Variants in NOL4 observed in about 807,000 individuals in gnomAD.
NOL4 encodes the protein cancer/testis antigen 125.
In NOL4, 17 loss-of-function variants were observed where a neutral mutation model predicts 75.9. The observed-to-expected ratio is 0.22, with a 90% CI of 0.15 to 0.34. The LOEUF (loss-of-function observed/expected upper bound fraction) is 0.34, where lower values mean the gene tolerates loss of function less well. NOL4 is among the 10% of genes least tolerant of loss of function. NOL4 has a pLI of 1.00. For synonymous variants in NOL4, 292 were observed against 289.9 expected (o/e 1.01, Z -0.07); for missense variants, 614 against 793.5 (o/e 0.77, Z 2.72).
At chr18:34,027,533 G>T (rs1235359274) in intron 5 of NOL4, among the ~76,000 whole-genome samples, 1 of 152,158 alleles carries the variant, frequency 6.6e-6, no homozygotes, top group East Asian at 1.9e-4. Flanking sequence ...TATGCTTTGT[G>T]TATAGTAGAT....
chr18:33,927,202 T>C (rs2067389537), intron 9 of NOL4, among the ~76,000 whole-genome samples: 1 of 152,190 alleles, frequency 6.6e-6, no homozygotes, highest in Non-Finnish European at 1.5e-5. Context: ...AATAAGCACC[T>C]GGAATGTAAC....
intron 10 of NOL4, among the ~76,000 whole-genome samples, chr18:33,857,249 T>C (rs954784368): frequency 2.0e-5 from 3 of 152,038 alleles, no homozygotes; most frequent in African/African-American, 7.2e-5. Flanking sequence ...ATCAATGTAC[T>C]AAAATATTGC....
chr18:34,024,455 A>G (rs1457652537), intron 5 of NOL4, among the ~76,000 whole-genome samples: 1 of 151,898 alleles, frequency 6.6e-6, no homozygotes, highest in Admixed American at 6.6e-5. Context: ...TATCCAAAAA[A>G]GAAAAAAAAT....
chr18:34,222,079 G>C (rs1171077419), intron 1 of NOL4: 1 of 1,535,132 alleles, frequency 6.5e-7, no homozygotes, highest in Non-Finnish European at 8.7e-7. Flanking sequence ...GTAGCCCACA[G>C]TTCCCATCTT....
chr18:34,052,357 A>C (rs1221784053), intron 5 of NOL4, among the ~76,000 whole-genome samples: 1 of 152,102 alleles, frequency 6.6e-6, no homozygotes, highest in African/African-American at 2.4e-5. Context: ...ATAAAAAACA[A>C]CTAAAGAAGG....
chr18:33,996,729 G>T (rs984654876), intron 6 of NOL4, among the ~76,000 whole-genome samples: 2 of 151,928 alleles, frequency 1.3e-5, no homozygotes, highest in African/African-American at 4.8e-5. Flanking sequence ...TTGCTAGAAA[G>T]AAAATGATTT....
intron 7 of NOL4, 99 bp downstream of exon 7, chr18:33,958,140 A>AG: frequency 4.4e-6 from 5 of 1,143,174 alleles, no homozygotes; most frequent in Non-Finnish European, 6.2e-6. Context: ...CTGTAAATTA[A>AG]ACAAACATGT....
intron 9 of NOL4, among the ~76,000 whole-genome samples, chr18:33,903,923 G>C (rs1038302987): frequency 6.6e-6 from 1 of 152,138 alleles, no homozygotes; most frequent in East Asian, 1.9e-4. Flanking sequence ...TTGCAGAAGA[G>C]ATGGGCACAT....
chr18:34,119,793 T>G (rs2080046817), intron 2 of NOL4, among the ~76,000 whole-genome samples: 1 of 152,012 alleles, frequency 6.6e-6, no homozygotes, highest in South Asian at 2.1e-4. Context: ...GGCTAATTTT[T>G]TTGTACTTTT....
intron 1 of NOL4, among the ~76,000 whole-genome samples, chr18:34,149,627 TA>T (rs2081559995): frequency 6.6e-6 from 1 of 151,656 alleles, no homozygotes; most frequent in South Asian, 2.1e-4. Flanking sequence ...CCTATGTTTT[TA>T]TTGATGAATA....
At position 34,016,373 on chromosome 18, in the gene NOL4, CAAGCTGACCACAGGCTTTCTAAAATTCT is replaced by C. The variant is rs567412500; in HGVS notation, c.1056+2917_1056+2944del. On this transcript the variant is annotated intron_variant, in intron 6 of 10. Transcript: ENST00000261592. ...TGCCAGAATAATTTTTATAAAATTC[CAAGCTGACCACAGGCTTTCTAAAATTCT>C]AAGCTGACCACTAAGCTCTTTCTAT... 1.2e-3 allele frequency among the ~76,000 whole-genome samples: 184 copies of C among 152,082 alleles called. 1 individual carries two copies. The South Asian group carries it at 0.014, about 11-fold the overall frequency.
At chr18:33,903,028 T>C (rs764362435) in intron 9 of NOL4, among the ~76,000 whole-genome samples, 2 of 152,194 alleles carry the variant, frequency 1.3e-5, no homozygotes, top group Non-Finnish European at 2.9e-5. Flanking sequence ...ATTTTAAAAC[T>C]AAGTCTCAGA....
intron 6 of NOL4, among the ~76,000 whole-genome samples, chr18:33,960,765 C>T (rs2070048281): frequency 6.6e-6 from 1 of 152,122 alleles, no homozygotes; most frequent in Admixed American, 6.6e-5. Context: ...CTGAGTTTAT[C>T]ATCTTAACAC....
At chr18:34,031,983 C>T (rs946232288) in intron 5 of NOL4, among the ~76,000 whole-genome samples, 7 of 152,182 alleles carry the variant, frequency 4.6e-5, no homozygotes, top group South Asian at 2.1e-4. Flanking sequence ...CTGCCATTTT[C>T]GAGTGCCAGT....
chr18:33,947,702 G>A (rs976329151), intron 8 of NOL4, among the ~76,000 whole-genome samples: 3 of 151,730 alleles, frequency 2.0e-5, no homozygotes, highest in Non-Finnish European at 1.5e-5. Flanking sequence ...TAAGATAATG[G>A]TACCTACCCT....
chr18:33,896,684 C>T (rs2065430725), intron 9 of NOL4, among the ~76,000 whole-genome samples: 1 of 152,062 alleles, frequency 6.6e-6, no homozygotes, highest in Non-Finnish European at 1.5e-5. Flanking sequence ...ACAACTTAGG[C>T]AATATAATCC....
chr18:34,026,239 A>G (rs1472873354), intron 5 of NOL4, among the ~76,000 whole-genome samples: 4 of 152,100 alleles, frequency 2.6e-5, no homozygotes, highest in Non-Finnish European at 5.9e-5. Flanking sequence ...AGAGATGGAT[A>G]ATTGGACAAA....
At chr18:34,024,215 A>AT (rs1491509605) in intron 5 of NOL4, among the ~76,000 whole-genome samples, 5 of 127,556 alleles carry the variant, frequency 3.9e-5, no homozygotes, top group Admixed American at 1.6e-4. Flanking sequence ...ATATATATAT[A>AT]AAATCCTCAT....
intron 8 of NOL4, among the ~76,000 whole-genome samples, chr18:33,951,448 G>C (rs1345845843): frequency 1.3e-5 from 2 of 151,910 alleles, no homozygotes; most frequent in Admixed American, 6.6e-5. Context: ...CCCTAGGTAT[G>C]AGTTTTTTTA....
Sources: gnomAD v4.1 joint callset for allele counts (sites outside exome capture counted in the v4.1 genomes callset) on GRCh38, gnomAD v4.1.1 for gene constraint, MANE v1.5 for transcripts, NCBI Gene and HGNC (gene_info 2026-07-23, HGNC 2026-07-21) for gene names.